Variants in TCERG1L observed in about 807,000 individuals in gnomAD.
The protein encoded by TCERG1L is transcription elongation regulator 1 like.
TCERG1L carries 37 observed loss-of-function variants against 56.3 expected under a neutral mutation model. That is an observed-to-expected ratio of 0.66 (90% CI 0.51 to 0.87). The LOEUF is 0.87. Among genes scored for constraint, TCERG1L ranks in the 40% least tolerant of loss-of-function variants. TCERG1L has a pLI of 0.00. For missense variants in TCERG1L, 799 were observed against 774.2 expected (o/e 1.03, Z -0.38); for synonymous variants, 324 against 326.3 (o/e 0.99, Z 0.08).
In TCERG1L at chr10:131,100,982, C is replaced by A. The variant is rs539727441; in HGVS notation, c.1486-2558G>T. 2.0e-5 allele frequency among the ~76,000 whole-genome samples: 3 copies of A among 152,342 alleles called. No individual in the cohort carries two copies. In the East Asian group the frequency reaches 5.8e-4, roughly 29 times the overall value. ...CTGCTTCCTCCTCTTTCCCACTGGACCTTCTGGGACCAAGTTGCAGGACGT... is the reference window on the plus strand; with the variant it reads ...CTGCTTCCTCCTCTTTCCCACTGGAACTTCTGGGACCAAGTTGCAGGACGT... On this transcript the variant is annotated intron_variant, in intron 10 of 11. Coordinates refer to ENST00000368642, the MANE Select transcript of TCERG1L (RefSeq NM_174937.4).
intron 3 of TCERG1L, among the ~76,000 whole-genome samples, chr10:131,288,294 G>C (rs530583909): frequency 6.6e-6 from 1 of 152,174 alleles, no homozygotes; most frequent in Non-Finnish European, 1.5e-5. Context: ...AGTCGGAACC[G>C]GGCACCCAAC....
At chr10:131,152,773 C>G (rs1845879800) in intron 6 of TCERG1L, among the ~76,000 whole-genome samples, 1 of 152,182 alleles carries the variant, frequency 6.6e-6, no homozygotes, top group Non-Finnish European at 1.5e-5. Flanking sequence ...AATTGACTTA[C>G]AGTTCCACAT....
intron 4 of TCERG1L, among the ~76,000 whole-genome samples, chr10:131,230,352 C>T (rs1845835799): frequency 6.6e-6 from 1 of 152,222 alleles, no homozygotes; most frequent in African/African-American, 2.4e-5. Context: ...ACCCAGCTTT[C>T]CCGTGGCCCC....
chr10:131,277,892 C>T (rs969478117), intron 3 of TCERG1L, among the ~76,000 whole-genome samples: 3 of 152,022 alleles, frequency 2.0e-5, no homozygotes, highest in Non-Finnish European at 4.4e-5. Context: ...GGAGAGCCAC[C>T]GACTTGGGAG....
At chr10:131,176,322 A>G (rs1482430317) in intron 4 of TCERG1L, among the ~76,000 whole-genome samples, 2 of 151,678 alleles carry the variant, frequency 1.3e-5, no homozygotes, top group Admixed American at 1.3e-4. Context: ...ATGCACACAG[A>G]GACACGTGTA....
intron 4 of TCERG1L, among the ~76,000 whole-genome samples, chr10:131,217,760 C>T (rs1845686541): frequency 7.8e-6 from 1 of 127,742 alleles, no homozygotes; most frequent in Non-Finnish European, 1.6e-5. Context: ...CTCACTCTGT[C>T]ACCCAAGCTG....
chr10:131,242,919 T>G (rs1240451166), intron 4 of TCERG1L, among the ~76,000 whole-genome samples: 1 of 152,150 alleles, frequency 6.6e-6, no homozygotes, highest in Non-Finnish European at 1.5e-5. Context: ...GGGAAAAGTG[T>G]TAACTGACAG....
At chr10:131,231,396 T>C (rs563168188) in intron 4 of TCERG1L, among the ~76,000 whole-genome samples, 2 of 152,164 alleles carry the variant, frequency 1.3e-5, no homozygotes, top group South Asian at 2.1e-4. Context: ...TACCGGCCCC[T>C]CCAGAGGCGA....
At chr10:131,109,761 T>G (rs1845392266) in intron 9 of TCERG1L, among the ~76,000 whole-genome samples, 1 of 152,184 alleles carries the variant, frequency 6.6e-6, no homozygotes, top group Non-Finnish European at 1.5e-5. Context: ...CCTCTCTCCC[T>G]GGGCACGCCG....
intron 3 of TCERG1L, among the ~76,000 whole-genome samples, chr10:131,284,105 G>A (rs550955176): frequency 2.6e-4 from 36 of 137,454 alleles, no homozygotes; most frequent in African/African-American, 6.7e-4. Flanking sequence ...CAGCCTAGGC[G>A]ACAGAACAAG....
At chr10:131,157,955 C>A (rs11814165) in intron 6 of TCERG1L, among the ~76,000 whole-genome samples, 1 of 152,370 alleles carries the variant, frequency 6.6e-6, no homozygotes, top group East Asian at 1.9e-4. Context: ...GGCCATTAGA[C>A]AAGAGTGAGT....
At chr10:131,287,580 C>T (rs1272222345) in intron 3 of TCERG1L, among the ~76,000 whole-genome samples, 2 of 152,020 alleles carry the variant, frequency 1.3e-5, no homozygotes, top group African/African-American at 4.8e-5. Context: ...GAAGTACAGT[C>T]CAGATATAGA....
At position 131,098,364 on chromosome 10, in the gene TCERG1L, ATTTAC is replaced by A. The variant is rs1845270616; in HGVS notation, c.1541_1545del (p.Ser514IlefsTer16). On this transcript the variant is annotated frameshift_variant, in exon 11 of 12. Transcript: ENST00000368642. LOFTEE classifies it high-confidence loss of function. ...TTGAATTCTTCTTTGGCTAGCAGCAATTTACTTTTCTTTTCCTTGTATTCTTCTTT... is the reference window on the plus strand; with the variant it reads ...TTGAATTCTTCTTTGGCTAGCAGCAATTTTCTTTTCCTTGTATTCTTCTTT... 2 of 1,552,912 alleles carry A rather than the reference ATTTAC, an allele frequency of 1.3e-6. No homozygotes were observed. The highest frequency in any genetic ancestry group is 1.7e-6 in the Non-Finnish European group (2 of 1,147,622).
At chr10:131,213,795 G>C (rs550688062) in intron 4 of TCERG1L, among the ~76,000 whole-genome samples, 1 of 152,334 alleles carries the variant, frequency 6.6e-6, no homozygotes, top group East Asian at 1.9e-4. Context: ...CTCAACCTGA[G>C]CTTAGGGCCC....
chr10:131,243,213 C>T (rs904764674), intron 4 of TCERG1L, among the ~76,000 whole-genome samples: 3 of 152,156 alleles, frequency 2.0e-5, no homozygotes. Context: ...CCCTCCCACG[C>T]TGACCCTGGA....
At chr10:131,248,181 CACACACAA>C (rs1846060993) in intron 4 of TCERG1L, among the ~76,000 whole-genome samples, 1 of 149,056 alleles carries the variant, frequency 6.7e-6, no homozygotes, top group African/African-American at 2.5e-5. Context: ...ACCCACATGA[CACACACAA>C]ACACACACTA....
intron 4 of TCERG1L, among the ~76,000 whole-genome samples, chr10:131,248,899 A>T (rs545812404): frequency 6.6e-6 from 1 of 152,318 alleles, no homozygotes; most frequent in Admixed American, 6.5e-5. Flanking sequence ...GGGGGTGCCC[A>T]GCCCTCCAGG....
chr10:131,122,021 C>T (rs987397888), intron 8 of TCERG1L, among the ~76,000 whole-genome samples: 1 of 152,362 alleles, frequency 6.6e-6, no homozygotes, highest in South Asian at 2.1e-4. Context: ...CTCTTGCAGC[C>T]TCACTTCTAA....
rs1043687969 is a variant in TCERG1L at position 131,114,144 on chromosome 10, C to T, written c.1395+2655G>A. Among the ~76,000 whole-genome samples the T allele has an allele frequency of 3.5e-5, 5 of 142,248 alleles. 1 individual carries two copies. Among genetic ancestry groups the T allele is most frequent in the African/African-American group, 5.0e-5 (2 of 40,308 alleles). The allele number at this position is 142,248 out of a possible 152,430, so 93.3% of individuals were successfully genotyped here. A position where few individuals can be genotyped will look rare whatever the true frequency, so the allele number is the denominator to read the frequency against. On this transcript the variant is annotated intron_variant, in intron 9 of 11. Transcript: ENST00000368642. ...TTAAACTACTAAAAACCGCAGGGTCCGTCCTTCATCACTCCACAAGTACAT... is the reference window on the plus strand; with the variant it reads ...TTAAACTACTAAAAACCGCAGGGTCTGTCCTTCATCACTCCACAAGTACAT...
Sources: allele counts gnomAD v4.1 joint callset (sites outside exome capture counted in the v4.1 genomes callset), GRCh38; gene constraint gnomAD v4.1.1; transcripts MANE v1.5; gene names NCBI Gene and HGNC (gene_info 2026-07-23, HGNC 2026-07-21).